SNX29: variants seen among roughly 807,000 people sequenced by gnomAD.
SNX29 encodes sorting nexin-29.
SNX29 carries 78 observed loss-of-function variants against 102.1 expected under a neutral mutation model. That is an observed-to-expected ratio of 0.76 (90% CI 0.64 to 0.92). The LOEUF (loss-of-function observed/expected upper bound fraction) is 0.92. Among genes scored for constraint, SNX29 ranks in the 40% least tolerant of loss-of-function variants. SNX29 has a pLI of 0.00. For missense variants in SNX29, 1,280 were observed against 1,061.7 expected, an observed-to-expected ratio of 1.21 and a Z score of -2.86; for synonymous variants, 580 against 414.5, an observed-to-expected ratio of 1.40 and a Z score of -4.85.
intron 16 of SNX29, among the ~76,000 whole-genome samples, chr16:12,358,183 C>T (rs1281836341): frequency 1.6e-5 from 2 of 121,914 alleles, no homozygotes; most frequent in Admixed American, 7.7e-5. Flanking sequence ...GTAAAAGCAC[C>T]TATTTATTAA....
At chr16:12,474,573 G>GC (rs1370848522) in intron 18 of SNX29, among the ~76,000 whole-genome samples, 2 of 152,152 alleles carry the variant, frequency 1.3e-5, no homozygotes, top group Non-Finnish European at 2.9e-5. Flanking sequence ...GTGGGCTCTT[G>GC]CATATACATT....
chr16:12,137,398 G>A (rs1194883354), intron 13 of SNX29, among the ~76,000 whole-genome samples: 1 of 152,178 alleles, frequency 6.6e-6, no homozygotes, highest in Non-Finnish European at 1.5e-5. Context: ...TTGACCTTCA[G>A]CTCCTCCTGG....
rs139704253 is a variant in SNX29 at position 12,530,042 on chromosome 16, G to T, written c.2318+5201G>T. 2.8e-3 allele frequency among the ~76,000 whole-genome samples: 421 copies of T among 152,194 alleles called. 3 individuals are homozygous for T. Among genetic ancestry groups the T allele is most frequent in the Non-Finnish European group, 3.6e-3 (247 of 68,022 alleles). On this transcript the variant is annotated intron_variant, in intron 20 of 20. Transcript: ENST00000566228. ...TGTCCATGCATGTGACTTTCCATGG[G>T]CAAGTGTGTCCCAGTTCGGCACCGT...
At chr16:12,057,201 C>A (rs955192886) in intron 8 of SNX29, among the ~76,000 whole-genome samples, 1 of 152,222 alleles carries the variant, frequency 6.6e-6, no homozygotes, top group African/African-American at 2.4e-5. Flanking sequence ...GGACTACAAA[C>A]ATATGCTGTG....
intron 20 of SNX29, among the ~76,000 whole-genome samples, chr16:12,563,151 C>T (rs1031490792): frequency 1.3e-5 from 2 of 151,814 alleles, no homozygotes; most frequent in Non-Finnish European, 2.9e-5. Context: ...ATCCCAGCTC[C>T]AGGGGGGGCA....
chr16:12,261,093 T>C (rs2078737680), intron 14 of SNX29, among the ~76,000 whole-genome samples: 1 of 147,574 alleles, frequency 6.8e-6, no homozygotes, highest in Non-Finnish European at 1.5e-5. Context: ...GAGTGTTTGC[T>C]GAGGTGGGAT....
chr16:12,453,365 C>T (rs1057368098), intron 18 of SNX29, among the ~76,000 whole-genome samples: 1 of 152,232 alleles, frequency 6.6e-6, no homozygotes, highest in Middle Eastern at 3.2e-3. Context: ...GCAGGTTTGC[C>T]ATCCTTGCTG....
chr16:12,508,719 C>G (rs562009191), intron 19 of SNX29, among the ~76,000 whole-genome samples: 6 of 152,168 alleles, frequency 3.9e-5, no homozygotes, highest in South Asian at 2.1e-4. Flanking sequence ...GTGTTTGATT[C>G]ACTCCAGGTT....
chr16:12,330,928 C>T (rs1249318648), intron 15 of SNX29, among the ~76,000 whole-genome samples: 1 of 152,374 alleles, frequency 6.6e-6, no homozygotes, highest in Middle Eastern at 3.4e-3. Context: ...GTTGGCCACT[C>T]CAGGCATGCT....
At chr16:12,533,114 C>T (rs554982287) in intron 20 of SNX29, among the ~76,000 whole-genome samples, 9 of 152,346 alleles carry the variant, frequency 5.9e-5, no homozygotes, top group East Asian at 3.9e-4. Context: ...AGGTTCAACT[C>T]GACAGCTCTG....
chr16:12,211,847 A>G (rs1056799271), intron 14 of SNX29, among the ~76,000 whole-genome samples: 2 of 152,198 alleles, frequency 1.3e-5, no homozygotes, highest in African/African-American at 4.8e-5. Context: ...AATGTGCTTT[A>G]CTGATTAAAC....
At chr16:12,110,345 T>A (rs2053453698) in intron 11 of SNX29, among the ~76,000 whole-genome samples, 1 of 152,170 alleles carries the variant, frequency 6.6e-6, no homozygotes, top group Non-Finnish European at 1.5e-5. Flanking sequence ...GTTCCCCACT[T>A]AGTCTGATTA....
At chr16:12,540,392 C>T (rs993579887) in intron 20 of SNX29, among the ~76,000 whole-genome samples, 2 of 152,162 alleles carry the variant, frequency 1.3e-5, no homozygotes, top group Non-Finnish European at 2.9e-5. Context: ...CAAATTGGCA[C>T]AAAGTTAGTG....
chr16:12,035,147 G>A (rs1445945521), intron 4 of SNX29, among the ~76,000 whole-genome samples: 10 of 151,644 alleles, frequency 6.6e-5, no homozygotes, highest in Admixed American at 2.0e-4. Flanking sequence ...TCATGATGGC[G>A]TATGCCCCTA....
At chr16:12,048,085 G>A (rs1299560358) in intron 6 of SNX29, among the ~76,000 whole-genome samples, 1 of 151,872 alleles carries the variant, frequency 6.6e-6, no homozygotes, top group Non-Finnish European at 1.5e-5. Context: ...TGGCTGTTAG[G>A]GAGAGAACGT....
At chr16:12,046,336 C>T in intron 5 of SNX29, 48 bp from the exon 6 acceptor site, 1 of 1,595,500 alleles carries the variant, frequency 6.3e-7, no homozygotes, top group Non-Finnish European at 8.6e-7. Flanking sequence ...TTAATGGACA[C>T]AGAGAACCAC....
chr16:12,215,139 G>A (rs2077287125), intron 14 of SNX29, among the ~76,000 whole-genome samples: 1 of 152,124 alleles, frequency 6.6e-6, no homozygotes, highest in Admixed American at 6.6e-5. Context: ...CTGCTTCATG[G>A]CAACTGTCCT....
At chr16:12,566,811 C>T (rs2079030482) in intron 20 of SNX29, among the ~76,000 whole-genome samples, 1 of 152,252 alleles carries the variant, frequency 6.6e-6, no homozygotes, top group Non-Finnish European at 1.5e-5. Context: ...AGAGATGATT[C>T]AGAGCAGCTC....
At chr16:12,376,337 C>G (rs948556281) in intron 16 of SNX29, among the ~76,000 whole-genome samples, 4 of 152,196 alleles carry the variant, frequency 2.6e-5, no homozygotes, top group Admixed American at 2.0e-4. Context: ...CGAAGTGAGT[C>G]TTACAACCGT....
Sources: allele counts gnomAD v4.1 joint callset (sites outside exome capture counted in the v4.1 genomes callset), GRCh38; gene constraint gnomAD v4.1.1; transcripts MANE v1.5; gene names NCBI Gene and HGNC (gene_info 2026-07-23, HGNC 2026-07-21).